COBLL1: variants seen among roughly 807,000 people sequenced by gnomAD.
COBLL1 encodes the protein cordon-bleu protein-like 1.
A neutral mutation model predicts 94.8 loss-of-function variants in COBLL1; 50 were observed. The observed-to-expected ratio is 0.53, with a 90% CI of 0.42 to 0.67. COBLL1 has a LOEUF of 0.67. Among genes scored for constraint, COBLL1 ranks in the 30% least tolerant of loss-of-function variants. The pLI, the probability that COBLL1 is intolerant of heterozygous loss-of-function variation, is 0.00. For missense variants in COBLL1, 1,362 were observed against 1,348.7 expected (o/e 1.01, Z -0.15); for synonymous variants, 448 against 473.8 (o/e 0.95, Z 0.71).
intron 13 of COBLL1, chr2:164,687,861 A>C: frequency 3.7e-6 from 1 of 267,494 alleles, no homozygotes; most frequent in Non-Finnish European, 7.2e-6. Flanking sequence ...CCAAAATTGC[A>C]GTTCTCATAA....
intron 2 of COBLL1, among the ~76,000 whole-genome samples, chr2:164,745,446 G>A (rs917006975): frequency 3.3e-5 from 5 of 152,058 alleles, no homozygotes; most frequent in African/African-American, 9.7e-5. Flanking sequence ...TTAAATCTGC[G>A]GAAATTAACC....
At chr2:164,666,589 A>G (rs987243595) in intron 1 of COBLL1, among the ~76,000 whole-genome samples, 1 of 152,208 alleles carries the variant, frequency 6.6e-6, no homozygotes, top group African/African-American at 2.4e-5. Context: ...ATGCTGTTTG[A>G]TAACATTTTA....
intron 6 of COBLL1, 31 bp downstream of exon 6, chr2:164,722,391 AATC>A (rs1685494460): frequency 6.7e-7 from 1 of 1,491,472 alleles, no homozygotes; most frequent in Non-Finnish European, 9.1e-7. Context: ...ATAATTGAAG[AATC>A]TTACAAAATG....
intron 13 of COBLL1, among the ~76,000 whole-genome samples, chr2:164,691,944 C>T (rs1028492685): frequency 1.9e-4 from 29 of 152,212 alleles, no homozygotes; most frequent in African/African-American, 6.5e-4. Context: ...CTAACATAAT[C>T]TCTTAAAATC....
chr2:164,680,972 A>G lies in COBLL1; in HGVS notation c.*4974T>C, dbSNP rs534473161. On this transcript the variant is annotated 3_prime_UTR_variant, in exon 14 of 14. Transcript: ENST00000652658. ...TTTTGCACTACGACTAAGAAAAAAA[A>G]TATTTAGAATTGCTTTTAACTGGTT... 2.0e-5 allele frequency: 3 copies of G among 152,174 alleles called. No individual in the cohort carries two copies. The highest frequency in any genetic ancestry group is 2.1e-4 in the South Asian group (1 of 4,832). 9.4% of individuals were successfully genotyped at this position (152,174 alleles called of 1,614,324 possible).
chr2:164,792,447 C>T (rs892733923), intron 2 of COBLL1, among the ~76,000 whole-genome samples: 1 of 152,096 alleles, frequency 6.6e-6, no homozygotes, highest in Non-Finnish European at 1.5e-5. Flanking sequence ...CTTGGCTCTC[C>T]TTGGGGTTCA....
At chr2:164,696,129 T>C (rs1366194858) in intron 11 of COBLL1, 3 of 260,070 alleles carry the variant, frequency 1.2e-5, no homozygotes, top group Non-Finnish European at 2.2e-5. Context: ...TTATATTATA[T>C]GTGTATCATT....
chr2:164,753,763 A>T (rs1467269643), intron 2 of COBLL1, among the ~76,000 whole-genome samples: 3 of 146,202 alleles, frequency 2.1e-5, no homozygotes, highest in African/African-American at 7.7e-5. Context: ...TTTTTTTAAG[A>T]CAGAGGCTCA....
At chr2:164,713,368 T>C (rs919253063) in intron 7 of COBLL1, among the ~76,000 whole-genome samples, 1 of 151,652 alleles carries the variant, frequency 6.6e-6, no homozygotes, top group Non-Finnish European at 1.5e-5. Context: ...CTGGAGCTCT[T>C]ACATCTACAC....
chr2:164,743,721 C>A lies in COBLL1; in HGVS notation c.196G>T (p.Gly66Trp), dbSNP rs772664537. ...KDVELSVVLP[G>W]DIIKSTTVHG... Reference sequence around the variant, plus strand: ...ACAGTAGTAGATTTGATAATATCCCCAGGTAGGACCACTGAGAGTTCAACG... The same window carrying A: ...ACAGTAGTAGATTTGATAATATCCCAAGGTAGGACCACTGAGAGTTCAACG... The change falls in exon 3 of 14, where the codon GGG (glycine) becomes TGG (tryptophan). Residue 66 changes from glycine to tryptophan, a missense_variant. By Grantham distance (184) the Gly-to-Trp change is radical. Transcript: ENST00000652658. 10 of 1,613,372 alleles carry A rather than the reference C, an allele frequency of 6.2e-6. No homozygotes were observed. The highest frequency in any genetic ancestry group is 1.1e-5 in the South Asian group (1 of 91,056).
intron 2 of COBLL1, among the ~76,000 whole-genome samples, chr2:164,805,319 C>CTATATATA (rs1684048026): frequency 2.8e-5 from 1 of 35,958 alleles, no homozygotes; most frequent in Non-Finnish European, 5.7e-5. Flanking sequence ...CTCTCTCTCT[C>CTATATATA]TCTCTCTCTC....
At chr2:164,688,837 AAC>A (rs1431215791) in intron 13 of COBLL1, among the ~76,000 whole-genome samples, 1 of 146,720 alleles carries the variant, frequency 6.8e-6, no homozygotes, top group East Asian at 1.9e-4. Flanking sequence ...ACATTTGAAA[AAC>A]ACTTAATACA....
chr2:164,701,904 G>C (rs1475589787), intron 9 of COBLL1, among the ~76,000 whole-genome samples: 10 of 147,932 alleles, frequency 6.8e-5, no homozygotes, highest in Non-Finnish European at 1.3e-4. Flanking sequence ...GGAGGGGGGG[G>C]CGGGGTGGGG....
intron 2 of COBLL1, among the ~76,000 whole-genome samples, chr2:164,750,404 T>C (rs190674787): frequency 5.8e-4 from 88 of 152,332 alleles, no homozygotes; most frequent in Admixed American, 1.1e-3. Context: ...CTTTATCTCC[T>C]ATTTCCAATC....
At chr2:164,703,136 C>T in intron 9 of COBLL1, 2 of 1,613,632 alleles carry the variant, frequency 1.2e-6, no homozygotes, top group Non-Finnish European at 8.5e-7. Context: ...CTCAGGTGTC[C>T]CAGGGCACTC....
chr2:164,779,609 G>A (rs1398308534), intron 2 of COBLL1: 3 of 467,036 alleles, frequency 6.4e-6, no homozygotes, highest in Non-Finnish European at 8.9e-6. Flanking sequence ...TCCACAGGAC[G>A]CTTCCCAGCC....
Position 164,685,357 on chromosome 2 carries a change from T to A in COBLL1, c.*589A>T, listed in dbSNP as rs1683226418. On this transcript the variant is annotated 3_prime_UTR_variant, in exon 14 of 14. Coordinates refer to ENST00000652658, the MANE Select transcript of COBLL1 (RefSeq NM_001365672.2). The stretch of plus-strand genomic sequence containing the variant: ...AAAATACTATGAGCTTCCCATAAAA[T>A]TGACAGTGATTTGTAATTACATAAA... The A allele has an allele frequency of 6.6e-6, 1 of 152,166 alleles. No individual in the cohort carries two copies. The allele number at this position is 152,166 out of a possible 1,614,324, so 9.4% of individuals were successfully genotyped here. A position where few individuals can be genotyped will look rare whatever the true frequency, so the allele number is the denominator to read the frequency against.
intron 2 of COBLL1, among the ~76,000 whole-genome samples, chr2:164,797,187 C>T (rs1683507610): frequency 6.6e-6 from 1 of 152,086 alleles, no homozygotes; most frequent in South Asian, 2.1e-4. Context: ...AACTCAAAGT[C>T]CTCTCATGTG....
At chr2:164,766,856 A>G (rs1262403816) in intron 2 of COBLL1, among the ~76,000 whole-genome samples, 1 of 152,166 alleles carries the variant, frequency 6.6e-6, no homozygotes, top group Non-Finnish European at 1.5e-5. Context: ...CATAAGCCAC[A>G]CCTATATTAC....
Sources: gnomAD v4.1 joint callset for allele counts (sites outside exome capture counted in the v4.1 genomes callset) on GRCh38, gnomAD v4.1.1 for gene constraint, MANE v1.5 for transcripts, NCBI Gene and HGNC (gene_info 2026-07-23, HGNC 2026-07-21) for gene names.